Variants in PPM1E observed in about 807,000 individuals in gnomAD.
PPM1E encodes protein phosphatase, Mg2+/Mn2+ dependent 1E, also known as protein phosphatase 1E.
In PPM1E, 20 loss-of-function variants were observed where a neutral mutation model predicts 65.9. That is an observed-to-expected ratio of 0.30 (90% CI 0.21 to 0.44). PPM1E has a LOEUF of 0.44. Among genes scored for constraint, PPM1E ranks in the 20% least tolerant of loss-of-function variants. PPM1E has a pLI of 1.00. For missense variants in PPM1E, 713 were observed against 953.1 expected, an observed-to-expected ratio of 0.75 and a Z score of 3.32; for synonymous variants, 352 against 374.9, an observed-to-expected ratio of 0.94 and a Z score of 0.70.
intron 1 of PPM1E, among the ~76,000 whole-genome samples, chr17:58,909,932 T>C (rs986977364): frequency 5.7e-5 from 8 of 139,400 alleles, no homozygotes; most frequent in African/African-American, 1.9e-4. Context: ...TTCTTTTTTT[T>C]TTTTTTTTTT....
chr17:58,917,640 C>A (rs1185086633), intron 1 of PPM1E, among the ~76,000 whole-genome samples: 2 of 152,146 alleles, frequency 1.3e-5, no homozygotes, highest in African/African-American at 2.4e-5. Flanking sequence ...AGAAGAGAAG[C>A]TATTGCTGGA....
At chr17:58,777,997 A>C (rs374261328) in intron 1 of PPM1E, among the ~76,000 whole-genome samples, 1 of 151,828 alleles carries the variant, frequency 6.6e-6, no homozygotes, top group East Asian at 1.9e-4. Flanking sequence ...TGGCATGATC[A>C]TGGCTCACTG....
rs1490274134 is a variant in PPM1E at position 58,980,231 on chromosome 17, G to C, written c.1468G>C (p.Asp490His). 1 of 1,614,076 alleles carries C rather than the reference G, an allele frequency of 6.2e-7. No homozygotes were observed. Among genetic ancestry groups the C allele is most frequent in the Non-Finnish European group, 8.5e-7 (1 of 1,180,042 alleles). ...CACGGTTATTGTGGTATTCCTGAGG[G>C]ACATGAACAAAGCTGTAAATGTTAG... is the stretch of plus-strand genomic sequence containing the variant. ...NITVIVVFLR[D>H]MNKAVNVSEE... is the part of the protein sequence containing the mutation. Residue 490 changes from aspartate to histidine, a missense_variant, in exon 7 of 7, where the codon GAC becomes CAC. By Grantham distance (81) the Asp-to-His change is moderately conservative. Transcript: ENST00000308249. The surrounding 1 kb of genome is among the most constrained non-coding windows in gnomAD (Gnocchi z 4.7).
chr17:58,789,461 T>C (rs2050135104), intron 1 of PPM1E, among the ~76,000 whole-genome samples: 1 of 152,226 alleles, frequency 6.6e-6, no homozygotes, highest in Non-Finnish European at 1.5e-5. Context: ...TTTATTTTTC[T>C]GATTACATTC....
In PPM1E at chr17:58,982,890, T is replaced by A; in HGVS notation, c.*1859T>A. 6.4e-7 allele frequency: 1 copy of A among 1,570,468 alleles called. No individual in the cohort carries two copies. Among genetic ancestry groups the A allele is most frequent in the Non-Finnish European group, 8.7e-7 (1 of 1,155,590 alleles). On this transcript the variant is annotated 3_prime_UTR_variant, in exon 7 of 7. Transcript: ENST00000308249. ...CTGAAGCCTAGATCTTGTTAACCCA[T>A]CAGGTGCAGTGTCAGTTTCAAATCA...
intron 1 of PPM1E, among the ~76,000 whole-genome samples, chr17:58,803,835 G>A (rs1025959855): frequency 6.6e-6 from 1 of 152,200 alleles, no homozygotes; most frequent in African/African-American, 2.4e-5. Context: ...GTGTAGTCTA[G>A]TACTACCTTG....
intron 1 of PPM1E, among the ~76,000 whole-genome samples, chr17:58,863,751 A>G (rs2050969067): frequency 6.6e-6 from 1 of 152,122 alleles, no homozygotes; most frequent in Non-Finnish European, 1.5e-5. Flanking sequence ...ATGGAGTGGG[A>G]AAGTGGTCTT....
intron 1 of PPM1E, among the ~76,000 whole-genome samples, chr17:58,943,527 G>A (rs922366728): frequency 7.9e-5 from 12 of 152,092 alleles, no homozygotes; most frequent in Non-Finnish European, 1.5e-4. Context: ...ACTACTCTCT[G>A]ATATGACGAT....
chr17:58,937,892 A>AAAAAAAAAAAAAAG (rs57965915), intron 1 of PPM1E, among the ~76,000 whole-genome samples: 10 of 129,748 alleles, frequency 7.7e-5, no homozygotes, highest in South Asian at 2.4e-4. Flanking sequence ...AAAAAAAAAA[A>AAAAAAAAAAAAAAG]AAAGAAAGAA....
At chr17:58,766,769 G>A (rs1176887665) in intron 1 of PPM1E, among the ~76,000 whole-genome samples, 2 of 152,068 alleles carry the variant, frequency 1.3e-5, no homozygotes, top group African/African-American at 4.8e-5. Context: ...TTTTGCAAAA[G>A]GAATGATCTC....
chr17:58,972,115 A>AT lies in PPM1E; in HGVS notation c.973-14dup. 1 of 1,605,430 alleles carries AT rather than the reference A, an allele frequency of 6.2e-7. No homozygotes were observed. ...ATTTCTTTTCACTGAGTCTAGTTTT[A>AT]TTTAAACTGTTTTCAGAGCTTAAGA... On this transcript the variant is annotated splice_polypyrimidine_tract_variant and intron_variant, in intron 4 of 6. Transcript: ENST00000308249.
chr17:58,974,451 G>A (rs772025931), intron 6 of PPM1E, among the ~76,000 whole-genome samples: 3 of 152,122 alleles, frequency 2.0e-5, no homozygotes, highest in South Asian at 2.1e-4. Context: ...GGTCTAAAAC[G>A]TAGAGATTAA....
In PPM1E at chr17:58,873,884, AC is replaced by A. The variant is rs903307788; in HGVS notation, c.465-81763del. Among the ~76,000 whole-genome samples, 5 of 151,312 alleles carry A rather than the reference AC, an allele frequency of 3.3e-5. No individual in the cohort carries two copies. In the East Asian group the frequency reaches 5.8e-4, roughly 18 times the overall value. ...AGGGCTAAGATTATAGGAGTGAACC[AC>A]CGTGCCCGGCCTAGTGTTAATTTTC... On this transcript the variant is annotated intron_variant, in intron 1 of 6. Transcript: ENST00000308249.
chr17:58,850,791 T>G (rs959548791), intron 1 of PPM1E, among the ~76,000 whole-genome samples: 1 of 152,208 alleles, frequency 6.6e-6, no homozygotes, highest in Non-Finnish European at 1.5e-5. Context: ...CTTTGTGATG[T>G]TCTCTGTATT....
At chr17:58,825,281 A>C (rs2143153451) in intron 1 of PPM1E, among the ~76,000 whole-genome samples, 1 of 151,038 alleles carries the variant, frequency 6.6e-6, no homozygotes, top group Non-Finnish European at 1.5e-5. Context: ...AATAGAATGA[A>C]ATATCTGGCT....
intron 1 of PPM1E, among the ~76,000 whole-genome samples, chr17:58,770,655 T>C (rs1009866853): frequency 1.3e-5 from 2 of 152,136 alleles, no homozygotes; most frequent in African/African-American, 4.8e-5. Flanking sequence ...AACCAGCTAA[T>C]TAAACATCAC....
intron 1 of PPM1E, among the ~76,000 whole-genome samples, chr17:58,890,127 T>G (rs535935272): frequency 1.5e-4 from 23 of 152,330 alleles, no homozygotes; most frequent in Non-Finnish European, 3.4e-4. Flanking sequence ...GAGCCTCTGT[T>G]CATGACATTT....
At chr17:58,786,499 G>A (rs917899992) in intron 1 of PPM1E, among the ~76,000 whole-genome samples, 16 of 152,138 alleles carry the variant, frequency 1.1e-4, no homozygotes, top group African/African-American at 3.9e-4. Flanking sequence ...ACTAACAGCT[G>A]GTAGCATGCA....
chr17:58,855,927 A>G (rs2050877682), intron 1 of PPM1E, among the ~76,000 whole-genome samples: 1 of 152,212 alleles, frequency 6.6e-6, no homozygotes, highest in Non-Finnish European at 1.5e-5. Flanking sequence ...GTTTATTGCT[A>G]TACAGATTTA....
Sources: allele counts gnomAD v4.1 joint callset (sites outside exome capture counted in the v4.1 genomes callset), GRCh38; gene constraint gnomAD v4.1.1; non-coding constraint Gnocchi (gnomAD v3.1); transcripts MANE v1.5; gene names NCBI Gene and HGNC (gene_info 2026-07-23, HGNC 2026-07-21).